Variants in XPO5 observed in about 807,000 individuals in gnomAD.
XPO5 encodes the protein exportin 5.
Under a neutral mutation model 160.6 loss-of-function variants are expected in XPO5, and 46 were observed. That is an observed-to-expected ratio of 0.29 (90% CI 0.23 to 0.37). The LOEUF is 0.37. Among genes scored for constraint, XPO5 ranks in the 10% least tolerant of loss-of-function variants. The pLI, the probability that XPO5 is intolerant of heterozygous loss-of-function variation, is 1.00. For synonymous variants in XPO5, 537 were observed against 519.3 expected (o/e 1.03, Z -0.46); for missense variants, 1,090 against 1,463.9 (o/e 0.74, Z 4.17).
intron 7 of XPO5, 143 bp from the exon 8 acceptor site, chr6:43,565,879 C>T (rs1480354096): frequency 1.5e-5 from 9 of 591,684 alleles, no homozygotes; most frequent in Admixed American, 3.5e-5. Context: ...AGAAGCCCAA[C>T]TCTTTAAAAC....
rs183056514 is a variant in XPO5, at chr6:43,522,631, C to A, written c.*1237G>T. On this transcript the variant is annotated 3_prime_UTR_variant, in exon 32 of 32. Transcript: ENST00000265351. ...CCCAACTTCTGCTTCCCCAGCTTTG[C>A]TTCTTCTCAATCTGACCCTGCCTGT... The A allele has an allele frequency of 2.6e-3, 1,079 of 411,610 alleles. 3 individuals carry two copies. The highest frequency in any genetic ancestry group is 3.4e-3 in the Admixed American group (135 of 39,324). 25.5% of individuals were successfully genotyped at this position (411,610 alleles called of 1,614,324 possible).
rs1182241968 is a variant in XPO5 at position 43,565,758 on chromosome 6, CAT to C, written c.835-24_835-23del. ...TGCCCTAGACCCAATTTTAGGGAAA[CAT>C]AGTCATATAAACTATACTTCAAAGT... On this transcript the variant is annotated intron_variant, in intron 7 of 31. Coordinates refer to ENST00000265351, the MANE Select transcript of XPO5 (RefSeq NM_020750.3). The C allele has an allele frequency of 4.5e-6, 7 of 1,566,364 alleles. No homozygotes were observed. In the South Asian group the frequency reaches 7.0e-5, roughly 16 times the overall value.
chr6:43,545,339 C>T (rs182397794), intron 20 of XPO5, among the ~76,000 whole-genome samples: 1 of 152,252 alleles, frequency 6.6e-6, no homozygotes, highest in Non-Finnish European at 1.5e-5. Flanking sequence ...TGGTTTGCCC[C>T]GTTGAGACTG....
intron 21 of XPO5, 119 bp downstream of exon 21, chr6:43,533,788 T>G (rs113293461): frequency 3.2e-6 from 2 of 615,586 alleles, no homozygotes; most frequent in African/African-American, 1.9e-5. Flanking sequence ...TGAGCTATGG[T>G]TGCACCAGTG....
At chr6:43,550,057 A>G in intron 15 of XPO5, 123 bp from the exon 16 acceptor site, 1 of 1,005,972 alleles carries the variant, frequency 9.9e-7, no homozygotes, top group South Asian at 1.4e-5. Context: ...TAGCCTTCTG[A>G]GTAGCTGGGA....
At chr6:43,561,195 A>G (rs576960528) in intron 9 of XPO5, among the ~76,000 whole-genome samples, 188 bp from the exon 10 acceptor site, 1 of 152,208 alleles carries the variant, frequency 6.6e-6, no homozygotes, top group South Asian at 2.1e-4. Flanking sequence ...TGCCTACTCA[A>G]TCATCATCAT....
At chr6:43,544,935 TG>T (rs1256486051) in intron 20 of XPO5, among the ~76,000 whole-genome samples, 1 of 152,128 alleles carries the variant, frequency 6.6e-6, no homozygotes, top group Non-Finnish European at 1.5e-5. Context: ...TGCAGTGGCG[TG>T]ATCTTAGCTC....
intron 20 of XPO5, among the ~76,000 whole-genome samples, chr6:43,538,109 G>A (rs1269742905): frequency 1.5e-5 from 2 of 135,782 alleles, no homozygotes; most frequent in African/African-American, 2.7e-5. Context: ...AAAAGGCAAG[G>A]AACTTATAAA....
intron 23 of XPO5, among the ~76,000 whole-genome samples, chr6:43,530,148 T>G (rs1456308241): frequency 6.6e-6 from 1 of 152,100 alleles, no homozygotes; most frequent in Non-Finnish European, 1.5e-5. Flanking sequence ...TCCCAGCTAC[T>G]TGGGAGGCTG....
Position 43,524,005 on chromosome 6 carries a change from T to C in XPO5, c.3478A>G (p.Lys1160Glu). The C allele has an allele frequency of 6.2e-7, 1 of 1,612,342 alleles. No individual in the cohort carries two copies. The highest frequency in any genetic ancestry group is 8.5e-7 in the Non-Finnish European group (1 of 1,179,808). The change falls in exon 32 of 32, where the codon AAA becomes GAA. Residue 1160 changes from lysine (K) to glutamate (E), a missense_variant and splice_region_variant. Coordinates refer to ENST00000265351, the MANE Select transcript of XPO5 (RefSeq NM_020750.3). ...TTTCGGAACTGCTCTCCCAAGGGTTTCTGTGGAAAACAAATGAGAAAGAAT... is the reference window on the plus strand; with the variant it reads ...TTTCGGAACTGCTCTCCCAAGGGTTCCTGTGGAAAACAAATGAGAAAGAAT... Reference protein sequence around the residue: ...FKRLIAGCIGKPLGEQFRKEV... With the variant: ...FKRLIAGCIGEPLGEQFRKEV...
chr6:43,563,366 T>G (rs1762509970), intron 8 of XPO5, among the ~76,000 whole-genome samples: 1 of 152,138 alleles, frequency 6.6e-6, no homozygotes, highest in South Asian at 2.1e-4. Flanking sequence ...AACTTCTGGG[T>G]CCAAGCAATC....
intron 23 of XPO5, 129 bp downstream of exon 23, chr6:43,530,559 T>C: frequency 9.2e-7 from 1 of 1,092,782 alleles, no homozygotes; most frequent in Non-Finnish European, 1.3e-6. Flanking sequence ...AATGACATGA[T>C]ACACTTAGAT....
rs921423167 is a variant in XPO5, at chr6:43,558,573, T to A, written c.1240A>T (p.Thr414Ser). The change falls in exon 12 of 32, where the codon ACA becomes TCA. Residue 414 changes from threonine to serine, a missense_variant. Transcript: ENST00000265351. ...GAATATTCACAGCTAGGGCTGTCTGTTTTAGAAGGAAAGCCCATCTGGAAA... is the reference window on the plus strand; with the variant it reads ...GAATATTCACAGCTAGGGCTGTCTGATTTAGAAGGAAAGCCCATCTGGAAA... Reference protein sequence around the residue: ...NLVKMGFPSKTDSPSCEYSRF... With the variant: ...NLVKMGFPSKSDSPSCEYSRF... 1 of 1,595,146 alleles carries A rather than the reference T, an allele frequency of 6.3e-7. No individual in the cohort carries two copies. The highest frequency in any genetic ancestry group is 1.3e-5 in the African/African-American group (1 of 74,582).
At chr6:43,538,497 G>A (rs1040103846) in intron 20 of XPO5, among the ~76,000 whole-genome samples, 1 of 151,998 alleles carries the variant, frequency 6.6e-6, no homozygotes, top group African/African-American at 2.4e-5. Flanking sequence ...ACCTTGTGTG[G>A]ATAAACAGAA....
chr6:43,560,432 T>A, intron 10 of XPO5, 129 bp from the exon 11 acceptor site: 1 of 1,208,032 alleles, frequency 8.3e-7, no homozygotes, highest in Non-Finnish European at 1.1e-6. Context: ...CTGTCTCTAC[T>A]GCAATTTATC....
rs148681590 is a variant in XPO5 at position 43,522,825 on chromosome 6, G to T, written c.*1043C>A. On this transcript the variant is annotated 3_prime_UTR_variant, in exon 32 of 32. Coordinates refer to ENST00000265351, the MANE Select transcript of XPO5 (RefSeq NM_020750.3). ...ACGGCCAGTAATAACCTCAGGGCCA[G>T]GTCCCGTATCCATGTCCTCTCTTTA... The T allele has an allele frequency of 9.0e-6, 3 of 332,074 alleles. No homozygotes were observed. Among genetic ancestry groups the T allele is most frequent in the Non-Finnish European group, 2.1e-5 (3 of 144,952 alleles). 20.6% of individuals were successfully genotyped at this position (332,074 alleles called of 1,614,324 possible).
chr6:43,561,983 C>A (rs1251064005), intron 9 of XPO5: 2 of 293,258 alleles, frequency 6.8e-6, no homozygotes, highest in East Asian at 1.3e-4. Flanking sequence ...TACCAAAATT[C>A]ACAAGAAACC....
chr6:43,571,014 A>C lies in XPO5; in HGVS notation c.301-20T>G. 1 of 1,604,690 alleles carries C rather than the reference A, an allele frequency of 6.2e-7. No individual in the cohort carries two copies. The highest frequency in any genetic ancestry group is 8.5e-7 in the Non-Finnish European group (1 of 1,176,380). ...TGTTCCCTGAAAAAGAACAAGAGAT[A>C]TTAAGAGATATGCAAGACTGGATTC... On this transcript the variant is annotated intron_variant, in intron 3 of 31. Transcript: ENST00000265351.
At chr6:43,526,789 A>G in intron 26 of XPO5, 42 bp from the exon 27 acceptor site, 3 of 1,598,850 alleles carry the variant, frequency 1.9e-6, no homozygotes, top group South Asian at 1.1e-5. Flanking sequence ...GGGTGGGTAT[A>G]TACTACCACA....
Sources: gnomAD v4.1 joint callset for allele counts (sites outside exome capture counted in the v4.1 genomes callset) on GRCh38, gnomAD v4.1.1 for gene constraint, MANE v1.5 for transcripts, NCBI Gene and HGNC (gene_info 2026-07-23, HGNC 2026-07-21) for gene names.